Variants in SCYL2 observed in about 807,000 individuals in gnomAD.
SCYL2 encodes SCY1-like protein 2.
SCYL2 carries 36 observed loss-of-function variants against 100.4 expected under a neutral mutation model. That is an observed-to-expected ratio of 0.36 (90% CI 0.27 to 0.47). SCYL2 has a LOEUF of 0.47. Ranked by LOEUF, SCYL2 falls within the 20% of genes least tolerant of loss-of-function variation. The probability of loss-of-function intolerance (pLI) is 1.00; values close to 1 mark genes in which losing one functional copy is unlikely to be tolerated. For missense variants in SCYL2, 902 were observed against 1,083.9 expected (o/e 0.83, Z 2.36); for synonymous variants, 330 against 359.2 (o/e 0.92, Z 0.92).
chr12:100,304,315 A>T (rs1463218597), intron 4 of SCYL2, among the ~76,000 whole-genome samples: 1 of 152,032 alleles, frequency 6.6e-6, no homozygotes, highest in Non-Finnish European at 1.5e-5. Flanking sequence ...GAAAAAAAAA[A>T]ACTGCAGCCA....
At chr12:100,323,453 G>A (rs745651930) in intron 10 of SCYL2, 72 bp from the exon 11 acceptor site, 11 of 899,830 alleles carry the variant, frequency 1.2e-5, no homozygotes, top group Non-Finnish European at 1.9e-5. Context: ...CCATGCAAAT[G>A]CAAAACTTTG....
chr12:100,312,873 T>C (rs1334780276), intron 6 of SCYL2, among the ~76,000 whole-genome samples: 1 of 152,212 alleles, frequency 6.6e-6, no homozygotes, highest in Non-Finnish European at 1.5e-5. Context: ...ATCCCAGCAC[T>C]TGGGGAGACC....
At position 100,311,030 on chromosome 12, in the gene SCYL2, T is replaced by A; in HGVS notation, c.481-14T>A. 1 of 1,533,164 alleles carries A rather than the reference T, an allele frequency of 6.5e-7. No homozygotes were observed. The highest frequency in any genetic ancestry group is 8.7e-7 in the Non-Finnish European group (1 of 1,146,388). The allele number at this position is 1,533,164 out of a possible 1,614,324, so 95.0% of individuals were successfully genotyped here. On this transcript the variant is annotated splice_polypyrimidine_tract_variant and intron_variant, in intron 4 of 17. Transcript: ENST00000360820. ...AGTTTTATTTAGTGTAAAATGTGTTTTTTCCATTTACAGGTTTCTGAAGGA... is the reference window on the plus strand; with the variant it reads ...AGTTTTATTTAGTGTAAAATGTGTTATTTCCATTTACAGGTTTCTGAAGGA...
intron 4 of SCYL2, among the ~76,000 whole-genome samples, chr12:100,304,577 C>T (rs1490710563): frequency 6.6e-6 from 1 of 152,190 alleles, no homozygotes; most frequent in Non-Finnish European, 1.5e-5. Context: ...AGCTTGCCCT[C>T]TGTGGGCTGC....
At chr12:100,305,111 C>A (rs1592949333) in intron 4 of SCYL2, among the ~76,000 whole-genome samples, 2 of 152,274 alleles carry the variant, frequency 1.3e-5, no homozygotes, top group Middle Eastern at 6.8e-3. Context: ...AGAAAATTAA[C>A]AAGGATATTC....
rs978760758 is a variant in SCYL2 at position 100,341,107 on chromosome 12, G to C, written c.*1935G>C. Reference sequence around the variant, plus strand: ...AAATAAGTCATTTGAAAAAAATACAGTATGTAAAATTTGTTCATTCGTTGA... The same window carrying C: ...AAATAAGTCATTTGAAAAAAATACACTATGTAAAATTTGTTCATTCGTTGA... On this transcript the variant is annotated 3_prime_UTR_variant, in exon 18 of 18. Transcript: ENST00000360820. 6.6e-6 allele frequency: 1 copy of C among 151,958 alleles called. No individual in the cohort carries two copies. Among genetic ancestry groups the C allele is most frequent in the South Asian group, 2.1e-4 (1 of 4,832 alleles). 9.4% of individuals were successfully genotyped at this position (151,958 alleles called of 1,614,324 possible).
intron 13 of SCYL2, among the ~76,000 whole-genome samples, chr12:100,329,537 G>C (rs1443447057): frequency 9.2e-5 from 14 of 152,164 alleles, no homozygotes. Flanking sequence ...TGTAGGATTT[G>C]GGACTACTTT....
At chr12:100,312,178 C>T (rs986985030) in intron 5 of SCYL2, among the ~76,000 whole-genome samples, 2 of 152,202 alleles carry the variant, frequency 1.3e-5, no homozygotes, top group Admixed American at 6.5e-5. Context: ...CAGACCTTCA[C>T]ATGTTCATAT....
chr12:100,270,623 C>CTTTTTTTTT (rs559329533), intron 1 of SCYL2, among the ~76,000 whole-genome samples: 1 of 125,704 alleles, frequency 8.0e-6, no homozygotes, highest in Non-Finnish European at 1.7e-5. Flanking sequence ...ATGTTGCTTT[C>CTTTTTTTTT]TTTTTTTTTT....
intron 4 of SCYL2, among the ~76,000 whole-genome samples, chr12:100,305,736 TTA>T (rs1359607992): frequency 1.5e-5 from 2 of 137,552 alleles, no homozygotes; most frequent in Non-Finnish European, 3.2e-5. Context: ...TTTTTTTTTT[TTA>T]AAGATTAACA....
chr12:100,309,783 A>G (rs550716571), intron 4 of SCYL2, among the ~76,000 whole-genome samples: 273 of 152,322 alleles, frequency 1.8e-3, no homozygotes, highest in Non-Finnish European at 3.2e-3. Context: ...AGTTCTTTGC[A>G]GTATCTACCC....
chr12:100,283,084 T>C lies in SCYL2; in HGVS notation c.114T>C (p.Ile38=), dbSNP rs1324684176. 1 of 1,613,076 alleles carries C rather than the reference T, an allele frequency of 6.2e-7. No homozygotes were observed. Among genetic ancestry groups the C allele is most frequent in the East Asian group, 2.2e-5 (1 of 44,828 alleles). The change falls in exon 2 of 18, where the codon ATT becomes ATC. Residue 38 remains isoleucine (I), a synonymous_variant. Transcript: ENST00000360820. ...GAGAATTTGATGTTGGTCGACACAT[T>C]GCCAGTGGTGGCAATGGGCTAGCTT... ...VTREFDVGRH[I]ASGGNGLAWK... is the part of the protein sequence containing the mutation.
intron 10 of SCYL2, among the ~76,000 whole-genome samples, chr12:100,322,372 C>CAAA (rs34959294): frequency 4.7e-4 from 29 of 61,622 alleles, no homozygotes; most frequent in South Asian, 6.9e-4. Flanking sequence ...GACTCCGTCT[C>CAAA]AAAAAAAAAA....
chr12:100,278,948 T>G (rs1479450940), intron 1 of SCYL2, among the ~76,000 whole-genome samples: 2 of 152,160 alleles, frequency 1.3e-5, no homozygotes, highest in African/African-American at 4.8e-5. Context: ...AATTCTTATC[T>G]TTGTTCTTAT....
At chr12:100,312,913 G>T (rs1034352121) in intron 6 of SCYL2, among the ~76,000 whole-genome samples, 1 of 152,066 alleles carries the variant, frequency 6.6e-6, no homozygotes, top group Non-Finnish European at 1.5e-5. Context: ...GAGTCCAGGA[G>T]TTCGAGACCA....
chr12:100,330,194 T>A (rs1952191637), intron 13 of SCYL2, among the ~76,000 whole-genome samples: 1 of 152,166 alleles, frequency 6.6e-6, no homozygotes, highest in African/African-American at 2.4e-5. Context: ...CAGATATATA[T>A]AATACAGTAG....
chr12:100,308,321 G>GT (rs2096337301), intron 4 of SCYL2, among the ~76,000 whole-genome samples: 1 of 152,168 alleles, frequency 6.6e-6, no homozygotes, highest in Non-Finnish European at 1.5e-5. Flanking sequence ...TAAAGGATGA[G>GT]TTCACGTCCT....
intron 4 of SCYL2, among the ~76,000 whole-genome samples, chr12:100,308,486 CG>C (rs1566359428): frequency 6.6e-6 from 1 of 151,634 alleles, no homozygotes; most frequent in Non-Finnish European, 1.5e-5. Context: ...GGGGCCTGTC[CG>C]GGGGTGGGGG....
chr12:100,303,997 C>T (rs942131256), intron 4 of SCYL2, among the ~76,000 whole-genome samples: 1 of 152,214 alleles, frequency 6.6e-6, no homozygotes, highest in African/African-American at 2.4e-5. Flanking sequence ...GTTATAGTGG[C>T]TTTGCAGCTG....
Sources: allele counts gnomAD v4.1 joint callset (sites outside exome capture counted in the v4.1 genomes callset), GRCh38; gene constraint gnomAD v4.1.1; transcripts MANE v1.5; gene names NCBI Gene and HGNC (gene_info 2026-07-23, HGNC 2026-07-21).